The following ECE1 variants were observed in gnomAD, a reference collection of about 807,000 sequenced individuals.
ECE1 encodes endothelin converting enzyme 1.
In ECE1, 35 loss-of-function variants were observed where a neutral mutation model predicts 98.6. The observed-to-expected ratio is 0.35, with a 90% CI of 0.27 to 0.47. The LOEUF (loss-of-function observed/expected upper bound fraction) is 0.47. Ranked by LOEUF, ECE1 falls within the 20% of genes least tolerant of loss-of-function variation. ECE1 has a pLI of 1.00. For missense variants in ECE1, 814 were observed against 1,025.3 expected, an observed-to-expected ratio of 0.79 and a Z score of 2.81; for synonymous variants, 394 against 407.1, an observed-to-expected ratio of 0.97 and a Z score of 0.39.
chr1:21,264,554 G>T (rs1404796140), intron 4 of ECE1, among the ~76,000 whole-genome samples: 1 of 152,010 alleles, frequency 6.6e-6, no homozygotes, highest in African/African-American at 2.4e-5. Context: ...ACCTCAGGTG[G>T]TCTGCCTGTC....
At chr1:21,289,314 A>C (rs1030536154) in intron 2 of ECE1, among the ~76,000 whole-genome samples, 3 of 152,034 alleles carry the variant, frequency 2.0e-5, no homozygotes, top group Admixed American at 2.0e-4. Flanking sequence ...GCTGGCTCCA[A>C]ACCCCTCCAG....
chr1:21,309,782 C>CT (rs1223419250), intron 1 of ECE1, among the ~76,000 whole-genome samples: 11,084 of 130,094 alleles, frequency 0.085, 548 homozygotes, highest in Middle Eastern at 0.13. Context: ...TTTTTTCTTT[C>CT]TTTTTTTTTT....
At chr1:21,243,117 G>A (rs2103254982) in intron 10 of ECE1, among the ~76,000 whole-genome samples, 1 of 152,328 alleles carries the variant, frequency 6.6e-6, no homozygotes, top group Admixed American at 6.5e-5. Context: ...GAATCAGATA[G>A]GCTGGATTTC....
chr1:21,333,334 T>TGG (rs1186796804), intron 1 of ECE1, among the ~76,000 whole-genome samples: 1 of 21,240 alleles, frequency 4.7e-5, no homozygotes, highest in African/African-American at 1.6e-4. Context: ...ACCAGAGCCG[T>TGG]GGGGGGGGCG....
intron 1 of ECE1, among the ~76,000 whole-genome samples, chr1:21,301,827 GAAAAAAAAAAAAA>G (rs34861827): frequency 5.0e-4 from 17 of 33,938 alleles, no homozygotes; most frequent in African/African-American, 1.1e-3. Flanking sequence ...CCCTGTCTCA[GAAAAAAAAAAAAA>G]AAAAAAAAAA....
chr1:21,265,288 T>C (rs760936023), intron 4 of ECE1, among the ~76,000 whole-genome samples: 4 of 152,136 alleles, frequency 2.6e-5, no homozygotes, highest in Non-Finnish European at 5.9e-5. Context: ...TCCCAGCACT[T>C]TGGGAGGCCA....
In ECE1 at chr1:21,233,415, A is replaced by G. The variant is rs2098184194; in HGVS notation, c.1670+143T>C. 2.9e-6 allele frequency: 2 copies of G among 687,912 alleles called. No homozygotes were observed. The highest frequency in any genetic ancestry group is 4.8e-6 in the Non-Finnish European group (2 of 412,498). The allele number at this position is 687,912 out of a possible 1,614,324, so 42.6% of individuals were successfully genotyped here. A position where few individuals can be genotyped will look rare whatever the true frequency, so the allele number is the denominator to read the frequency against. ...TTGGTTTCTTCATCTGAAAAGTGGG[A>G]TAACAAGGGCATCCACTCTTCAGAC... On this transcript the variant is annotated intron_variant, in intron 14 of 18. Transcript: ENST00000374893. The surrounding 1 kb of genome is among the most constrained non-coding windows in gnomAD (Gnocchi z 4.0).
chr1:21,309,519 T>C (rs74061607), intron 1 of ECE1, among the ~76,000 whole-genome samples: 1,974 of 152,286 alleles, frequency 0.013, 49 homozygotes, highest in African/African-American at 0.045. Context: ...AATGAGTCAA[T>C]GCGTCGGAGC....
intron 1 of ECE1, among the ~76,000 whole-genome samples, chr1:21,308,530 C>G (rs961523910): frequency 6.6e-6 from 1 of 151,912 alleles, no homozygotes; most frequent in Non-Finnish European, 1.5e-5. Context: ...TTCCAGAAAC[C>G]CTTTGGGATC....
chr1:21,240,036 T>G (rs943717956), intron 10 of ECE1, among the ~76,000 whole-genome samples: 1 of 152,034 alleles, frequency 6.6e-6, no homozygotes, highest in African/African-American at 2.4e-5. Context: ...CCAGGCGTGG[T>G]GGCACATGCC....
rs1315810834 is a variant in ECE1, at chr1:21,279,324, G to T, written c.147C>A (p.Phe49Leu). Residue 49 changes from phenylalanine (F) to leucine (L), a missense_variant, in exon 3 of 19, where the codon TTC becomes TTA. Coordinates refer to ENST00000374893, the MANE Select transcript of ECE1 (RefSeq NM_001397.3). ...ACCTCTGGCCACTCCGGGGGCTGTG[G>T]AAGTTCACCTGCAGGGAAGGAGGCA... ...DAYPNGLQVNFHSPRSGQRCW... is the reference protein window; with the variant it reads ...DAYPNGLQVNLHSPRSGQRCW... The T allele has an allele frequency of 1.2e-6, 2 of 1,614,188 alleles. No homozygotes were observed. The highest frequency in any genetic ancestry group is 1.6e-4 in the Middle Eastern group (1 of 6,062).
At chr1:21,343,325 C>T (rs1355820556) in intron 1 of ECE1, among the ~76,000 whole-genome samples, 3 of 152,168 alleles carry the variant, frequency 2.0e-5, no homozygotes, top group Non-Finnish European at 2.9e-5. Flanking sequence ...AAATGACAGA[C>T]GAAAGTATCA....
chr1:21,283,679 A>G (rs2098257551), intron 2 of ECE1, among the ~76,000 whole-genome samples: 1 of 152,172 alleles, frequency 6.6e-6, no homozygotes, highest in Admixed American at 6.5e-5. Context: ...GAGGCAACCC[A>G]CGTCTCCAGG....
chr1:21,323,289 G>A lies in ECE1; in HGVS notation c.3+22087C>T, dbSNP rs376257842. Among the ~76,000 whole-genome samples the A allele has an allele frequency of 7.2e-5, 11 of 152,300 alleles. No individual in the cohort carries two copies. In the South Asian group the frequency reaches 1.4e-3, roughly 20 times the overall value. On this transcript the variant is annotated intron_variant, in intron 1 of 18. Coordinates refer to the ECE1 transcript ENST00000415912. Reference sequence around the variant, plus strand: ...CTCCCAGAACAACACAGCTGGAACCGGCGGGGGGAGGGTTATGGATCAAAA... The same window carrying A: ...CTCCCAGAACAACACAGCTGGAACCAGCGGGGGGAGGGTTATGGATCAAAA...
At chr1:21,277,401 C>T (rs997762356) in intron 3 of ECE1, among the ~76,000 whole-genome samples, 4 of 152,242 alleles carry the variant, frequency 2.6e-5, no homozygotes, top group Admixed American at 6.5e-5. Flanking sequence ...CACTGGCTGC[C>T]GGAGTCTGGC....
chr1:21,255,831 CCTTT>C (rs1196054314), intron 8 of ECE1, 112 bp downstream of exon 8: 9 of 1,178,502 alleles, frequency 7.6e-6, no homozygotes, highest in African/African-American at 4.6e-5. Context: ...AACCATCCTT[CCTTT>C]GTCACATAGT....
rs557175484 is a variant in ECE1 at position 21,307,687 on chromosome 1, G to A, written c.4-17531C>T. On this transcript the variant is annotated intron_variant, in intron 1 of 18. Coordinates refer to the ECE1 transcript ENST00000415912. The surrounding 1 kb of genome is among the most constrained non-coding windows in gnomAD (Gnocchi z 4.2). ...GAGGTACAAAGTGGAAGCTCTGCCT[G>A]GCTGGCAAGACCAGACCTGTTGTGG... Among the ~76,000 whole-genome samples the A allele has an allele frequency of 2.0e-5, 3 of 152,248 alleles. No homozygotes were observed. The highest frequency in any genetic ancestry group is 6.5e-5 in the Admixed American group (1 of 15,306).
At chr1:21,278,074 T>C (rs2098249563) in intron 3 of ECE1, among the ~76,000 whole-genome samples, 1 of 152,158 alleles carries the variant, frequency 6.6e-6, no homozygotes, top group African/African-American at 2.4e-5. Context: ...TGAAAGCTCC[T>C]AATCTCTCTC....
Position 21,260,873 on chromosome 1 carries a change from T to C in ECE1, c.494-481A>G, listed in dbSNP as rs1440504401. Among the ~76,000 whole-genome samples, 4 of 152,230 alleles carry C rather than the reference T, an allele frequency of 2.6e-5. No individual in the cohort carries two copies. The highest frequency in any genetic ancestry group is 9.6e-5 in the African/African-American group (4 of 41,460). On this transcript the variant is annotated intron_variant, in intron 4 of 18. Transcript: ENST00000374893. The surrounding 1 kb of genome is among the most constrained non-coding windows in gnomAD (Gnocchi z 4.3). The stretch of plus-strand genomic sequence containing the variant: ...ATGAATTTACTTTTTGCTTCCTCCT[T>C]GGAGGGGCTAGGCACGTTCACCAGG...
Sources: gnomAD v4.1 joint callset for allele counts (sites outside exome capture counted in the v4.1 genomes callset) on GRCh38, gnomAD v4.1.1 for gene constraint, Gnocchi (gnomAD v3.1) non-coding constraint, MANE v1.5 for transcripts, NCBI Gene and HGNC (gene_info 2026-07-23, HGNC 2026-07-21) for gene names.